The following HS3ST4 variants were observed in gnomAD, a reference collection of about 807,000 sequenced individuals.
HS3ST4 encodes heparan sulfate glucosamine 3-O-sulfotransferase 4.
Under a neutral mutation model 29.2 loss-of-function variants are expected in HS3ST4, and 17 were observed. That is an observed-to-expected ratio of 0.58 (90% confidence interval 0.40 to 0.87). HS3ST4 has a LOEUF of 0.87. Ranked by LOEUF, HS3ST4 falls within the 40% of genes least tolerant of loss-of-function variation. HS3ST4 has a pLI of 0.00. For missense variants in HS3ST4, 627 were observed against 634.5 expected (o/e 0.99, Z 0.13); for synonymous variants, 314 against 285.7 (o/e 1.10, Z -1.00).
chr16:25,714,606 C>A (rs1442838727), intron 1 of HS3ST4, among the ~76,000 whole-genome samples: 1 of 152,234 alleles, frequency 6.6e-6, no homozygotes, highest in African/African-American at 2.4e-5. Context: ...CCCTGGTTAA[C>A]TTCAGAAGCT....
In HS3ST4 at chr16:26,135,747, C is replaced by T. The variant is rs544083465; in HGVS notation, c.870C>T (p.Pro290=). Residue 290 remains proline (P), a synonymous_variant, in exon 2 of 2, where the codon CCC becomes CCT. Coordinates refer to ENST00000331351, the MANE Select transcript of HS3ST4 (RefSeq NM_006040.3). ...AACTGATTGTGGTGGTGAGAAACCC[C>T]GTGACCAGGGCCATCTCTGACTACA... The part of the protein sequence containing the change: ...DIKLIVVVRN[P]VTRAISDYTQ... 79 of 1,614,092 alleles carry T rather than the reference C, an allele frequency of 4.9e-5. No homozygotes were observed. The highest frequency in any genetic ancestry group is 2.8e-4 in the African/African-American group (21 of 75,020).
rs570907749 is a variant in HS3ST4, at chr16:26,134,023, A to G, written c.735-1589A>G. 2.6e-5 allele frequency among the ~76,000 whole-genome samples: 4 copies of G among 152,164 alleles called. No individual in the cohort carries two copies. The South Asian group carries it at 8.3e-4, about 32-fold the overall frequency. ...CAAATTGACTGTATAATGGCATTCT[A>G]AGCTTAATTTTATCATTGATAAGCC... On this transcript the variant is annotated intron_variant, in intron 1 of 1. Coordinates refer to ENST00000331351, the MANE Select transcript of HS3ST4 (RefSeq NM_006040.3).
intron 1 of HS3ST4, among the ~76,000 whole-genome samples, chr16:26,107,548 C>A (rs1010436581): frequency 6.6e-6 from 1 of 152,224 alleles, no homozygotes; most frequent in African/African-American, 2.4e-5. Flanking sequence ...GCCACTCACT[C>A]ACCCTCTTTC....
chr16:26,096,996 G>T (rs1898933386), intron 1 of HS3ST4, among the ~76,000 whole-genome samples: 6 of 152,126 alleles, frequency 3.9e-5, no homozygotes, highest in Admixed American at 3.9e-4. Context: ...GCTACAAAGA[G>T]AATAAAATAC....
intron 1 of HS3ST4, among the ~76,000 whole-genome samples, chr16:25,768,090 G>A (rs1281383510): frequency 6.6e-6 from 1 of 152,138 alleles, no homozygotes; most frequent in African/African-American, 2.4e-5. Flanking sequence ...CAGAGAGAGT[G>A]ACTGGTCCTG....
At chr16:25,896,240 A>C (rs1304285777) in intron 1 of HS3ST4, among the ~76,000 whole-genome samples, 1 of 152,250 alleles carries the variant, frequency 6.6e-6, no homozygotes, top group African/African-American at 2.4e-5. Context: ...GTGATTCAAC[A>C]GAGCCAAGTC....
chr16:25,858,132 C>T (rs1222811201), intron 1 of HS3ST4, among the ~76,000 whole-genome samples: 1 of 147,384 alleles, frequency 6.8e-6, no homozygotes, highest in Admixed American at 6.8e-5. Context: ...AAACTCTTTC[C>T]TTCATGTTCC....
chr16:25,763,702 T>C (rs1966802377), intron 1 of HS3ST4, among the ~76,000 whole-genome samples: 1 of 152,046 alleles, frequency 6.6e-6, no homozygotes, highest in African/African-American at 2.4e-5. Context: ...AAGAAATTCA[T>C]TGTGGACCCC....
chr16:26,069,949 G>T (rs9927797), intron 1 of HS3ST4, among the ~76,000 whole-genome samples: 106,180 of 151,800 alleles, frequency 0.7, 37,320 homozygotes, highest in Middle Eastern at 0.76. Context: ...CTTAATCCAG[G>T]CTATCATTGT....
chr16:25,920,883 G>A (rs1968344593), intron 1 of HS3ST4, among the ~76,000 whole-genome samples: 1 of 152,026 alleles, frequency 6.6e-6, no homozygotes, highest in Admixed American at 6.6e-5. Flanking sequence ...CTCCCAAAAT[G>A]CTGGGATTAC....
At chr16:25,751,273 G>A (rs1966717850) in intron 1 of HS3ST4, among the ~76,000 whole-genome samples, 1 of 152,142 alleles carries the variant, frequency 6.6e-6, no homozygotes, top group Non-Finnish European at 1.5e-5. Context: ...GGATGGATGT[G>A]TGTATTTATG....
intron 1 of HS3ST4, among the ~76,000 whole-genome samples, chr16:25,705,870 T>C (rs1033019799): frequency 3.3e-5 from 5 of 152,140 alleles, no homozygotes; most frequent in African/African-American, 9.7e-5. Context: ...AAGGGTAGAA[T>C]AGTGACTGTG....
intron 1 of HS3ST4, among the ~76,000 whole-genome samples, chr16:25,953,435 G>A (rs1968700241): frequency 6.6e-6 from 1 of 152,134 alleles, no homozygotes; most frequent in African/African-American, 2.4e-5. Context: ...TGACCATTCA[G>A]AATAAGAACT....
intron 1 of HS3ST4, among the ~76,000 whole-genome samples, chr16:25,816,090 A>G (rs1015041879): frequency 6.6e-6 from 1 of 152,230 alleles, no homozygotes; most frequent in Non-Finnish European, 1.5e-5. Flanking sequence ...TATAAAATAC[A>G]TATATATTCT....
intron 1 of HS3ST4, among the ~76,000 whole-genome samples, chr16:25,932,624 G>C (rs1315326898): frequency 1.3e-5 from 2 of 152,142 alleles, no homozygotes; most frequent in Non-Finnish European, 2.9e-5. Flanking sequence ...AAAAACTGAT[G>C]ACAATACCTG....
chr16:25,980,499 C>T (rs1968993886), intron 1 of HS3ST4, among the ~76,000 whole-genome samples: 2 of 152,128 alleles, frequency 1.3e-5, no homozygotes, highest in African/African-American at 2.4e-5. Flanking sequence ...TTCCACAAAG[C>T]CAGCTACGGC....
chr16:26,083,404 T>A (rs1898747034), intron 1 of HS3ST4, among the ~76,000 whole-genome samples: 1 of 152,220 alleles, frequency 6.6e-6, no homozygotes, highest in Non-Finnish European at 1.5e-5. Flanking sequence ...AACCTTTATT[T>A]TATTCTATTC....
At chr16:26,085,526 T>C (rs1231973009) in intron 1 of HS3ST4, among the ~76,000 whole-genome samples, 1 of 151,934 alleles carries the variant, frequency 6.6e-6, no homozygotes, top group African/African-American at 2.4e-5. Context: ...ATATATATGT[T>C]ATAAAAACAA....
At chr16:26,041,504 C>T (rs112534887) in intron 1 of HS3ST4, among the ~76,000 whole-genome samples, 1 of 151,986 alleles carries the variant, frequency 6.6e-6, no homozygotes. Flanking sequence ...ACAAACAAAA[C>T]AAAACCCTGA....
Sources: gnomAD v4.1 joint callset for allele counts (sites outside exome capture counted in the v4.1 genomes callset) on GRCh38, gnomAD v4.1.1 for gene constraint, MANE v1.5 for transcripts, NCBI Gene and HGNC (gene_info 2026-07-23, HGNC 2026-07-21) for gene names.